The following ALG5 variants were observed in gnomAD, a reference collection of about 807,000 sequenced individuals.
The protein encoded by ALG5 is dolichyl-phosphate beta-glucosyltransferase.
In ALG5, 26 loss-of-function variants were observed where a neutral mutation model predicts 51.8. That is an observed-to-expected ratio of 0.50 (90% confidence interval 0.37 to 0.70). The LOEUF is 0.70. Among genes scored for constraint, ALG5 ranks in the 30% least tolerant of loss-of-function variants. The pLI, the probability that ALG5 is intolerant of heterozygous loss-of-function variation, is 0.00. For missense variants in ALG5, 311 were observed against 399.3 expected, an observed-to-expected ratio of 0.78 and a Z score of 1.88; for synonymous variants, 141 against 136.1, an observed-to-expected ratio of 1.04 and a Z score of -0.25.
intron 5 of ALG5, among the ~76,000 whole-genome samples, 178 bp downstream of exon 5, chr13:36,989,306 A>G (rs1224422356): frequency 2.6e-5 from 4 of 152,222 alleles, no homozygotes; most frequent in African/African-American, 9.6e-5. Context: ...ATCACCCACT[A>G]TATTATAGAT....
At chr13:36,991,636 G>A (rs999202005) in intron 4 of ALG5, among the ~76,000 whole-genome samples, 2 of 128,218 alleles carry the variant, frequency 1.6e-5, no homozygotes, top group Non-Finnish European at 3.7e-5. Flanking sequence ...CCTCCCTGCA[G>A]GCTTTGGTGG....
At position 36,965,743 on chromosome 13, in the gene ALG5, A is replaced by C; in HGVS notation, c.622-17T>G. On this transcript the variant is annotated splice_polypyrimidine_tract_variant and intron_variant, in intron 7 of 9. Transcript: ENST00000239891. ...GTAAGAACGCTGAAAACAAAGACAA[A>C]ATATAAATGACTTTTCCATTCATCT... 2 of 1,603,346 alleles carry C rather than the reference A, an allele frequency of 1.2e-6. No individual in the cohort carries two copies. The highest frequency in any genetic ancestry group is 8.5e-7 in the Non-Finnish European group (1 of 1,175,944).
intron 8 of ALG5, among the ~76,000 whole-genome samples, chr13:36,962,563 T>C (rs1302141469): frequency 1.3e-5 from 2 of 152,072 alleles, no homozygotes; most frequent in East Asian, 3.9e-4. Context: ...ATTCCTGGAC[T>C]CAAGCAATCC....
Position 36,971,981 on chromosome 13 carries a change from G to A in ALG5, c.617C>T (p.Ala206Val), listed in dbSNP as rs1335305528. Residue 206 changes from alanine to valine, a missense_variant, in exon 7 of 10, where the codon GCT becomes GTT. Ala to Val is a moderately conservative substitution (Grantham distance 64, BLOSUM62 0). Coordinates refer to ENST00000239891, the MANE Select transcript of ALG5 (RefSeq NM_013338.5). ...TGCCAATTAATGAAGTCTCACCTGA[G>A]CAATTGATTCTTTTTCTAAATGAGC... ...SRAHLEKESIAQRSYFRTLLM... is the reference protein window; with the variant it reads ...SRAHLEKESIVQRSYFRTLLM... 6.2e-7 allele frequency: 1 copy of A among 1,604,458 alleles called. No individual in the cohort carries two copies. Among genetic ancestry groups the A allele is most frequent in the Admixed American group, 1.7e-5 (1 of 59,788 alleles).
chr13:36,975,016 T>A (rs943966103), intron 6 of ALG5, among the ~76,000 whole-genome samples: 1 of 152,118 alleles, frequency 6.6e-6, no homozygotes, highest in Non-Finnish European at 1.5e-5. Context: ...ATCCAGATCA[T>A]CCTGGCCTAC....
chr13:36,998,068 G>GGTA (rs1312620991), intron 1 of ALG5, among the ~76,000 whole-genome samples: 1 of 152,080 alleles, frequency 6.6e-6, no homozygotes, highest in Admixed American at 6.5e-5. Flanking sequence ...ATCAATAAAT[G>GGTA]GTAGCTCTTA....
Position 36,995,429 on chromosome 13 carries a change from T to C in ALG5, c.234A>G (p.Lys78=). The C allele has an allele frequency of 3.1e-6, 5 of 1,608,276 alleles. No individual in the cohort carries two copies. Among genetic ancestry groups the C allele is most frequent in the Non-Finnish European group, 4.2e-6 (5 of 1,178,586 alleles). Reference sequence around the variant, plus strand: ...AAAAATCAAAACAGGGCTTACACCGTTTTTCTTCATTGTATGAAGGCACAA... The same window carrying C: ...AAAAATCAAAACAGGGCTTACACCGCTTTTCTTCATTGTATGAAGGCACAA... ...SVVVPSYNEE[K]RLPVMMDEAL... The change falls in exon 2 of 10, where the codon AAA becomes AAG. Residue 78 remains lysine, a synonymous_variant. Transcript: ENST00000239891.
intron 6 of ALG5, among the ~76,000 whole-genome samples, chr13:36,974,911 G>C (rs937527882): frequency 2.0e-5 from 3 of 151,954 alleles, no homozygotes; most frequent in Non-Finnish European, 4.4e-5. Context: ...TGAATGAATG[G>C]CCAAATAAAA....
At chr13:36,983,318 T>C (rs2058987774) in intron 6 of ALG5, among the ~76,000 whole-genome samples, 1 of 152,212 alleles carries the variant, frequency 6.6e-6, no homozygotes, top group Non-Finnish European at 1.5e-5. Flanking sequence ...ATGAATGAGA[T>C]TTTCCTTTTA....
At chr13:36,960,222 A>G (rs1359798749) in intron 8 of ALG5, among the ~76,000 whole-genome samples, 6 of 152,220 alleles carry the variant, frequency 3.9e-5, no homozygotes, top group African/African-American at 1.4e-4. Flanking sequence ...GAGGGTATAC[A>G]GAACTTTAAG....
chr13:36,966,677 T>C (rs2058895030), intron 7 of ALG5, among the ~76,000 whole-genome samples: 1 of 152,072 alleles, frequency 6.6e-6, no homozygotes, highest in Non-Finnish European at 1.5e-5. Flanking sequence ...ACCCAGCTTC[T>C]TTAAGACACG....
intron 1 of ALG5, among the ~76,000 whole-genome samples, chr13:36,998,389 G>A (rs1318964252): frequency 2.0e-5 from 3 of 152,160 alleles, no homozygotes; most frequent in Non-Finnish European, 4.4e-5. Flanking sequence ...CCTCTGGAAA[G>A]ATGGCAGAGT....
intron 4 of ALG5, among the ~76,000 whole-genome samples, chr13:36,992,291 G>T (rs1004702107): frequency 7.9e-5 from 12 of 152,164 alleles, no homozygotes; most frequent in African/African-American, 2.9e-4. Context: ...GTGCCAGTCA[G>T]AACTCTCGAC....
At chr13:36,998,350 C>T (rs1368727609) in intron 1 of ALG5, among the ~76,000 whole-genome samples, 1 of 152,190 alleles carries the variant, frequency 6.6e-6, no homozygotes, top group Non-Finnish European at 1.5e-5. Context: ...GGATGCATTA[C>T]ATTTTATCTA....
At chr13:36,954,432 C>G (rs1458326558) in intron 8 of ALG5, among the ~76,000 whole-genome samples, 1 of 152,112 alleles carries the variant, frequency 6.6e-6, no homozygotes, top group Admixed American at 6.6e-5. Context: ...CTTAAATGAT[C>G]CGCCTGGCTT....
intron 6 of ALG5, among the ~76,000 whole-genome samples, chr13:36,975,814 C>A (rs897642997): frequency 3.3e-5 from 5 of 151,578 alleles, no homozygotes; most frequent in African/African-American, 9.7e-5. Context: ...TGAGACCAGG[C>A]GTTTGAGACC....
At chr13:36,977,409 AG>A (rs2058956912) in intron 6 of ALG5, among the ~76,000 whole-genome samples, 1 of 152,106 alleles carries the variant, frequency 6.6e-6, no homozygotes, top group Non-Finnish European at 1.5e-5. Flanking sequence ...CCTAGCCACT[AG>A]GGAGGCTGAG....
chr13:36,985,819 T>A, intron 5 of ALG5, 79 bp from the exon 6 acceptor site: 1 of 895,652 alleles, frequency 1.1e-6, no homozygotes, highest in Non-Finnish European at 1.7e-6. Context: ...CTGTTCTACT[T>A]AAAATACCTA....
rs1004637094 is a variant in ALG5, at chr13:36,999,268, G to C, written c.33C>G (p.Leu11=). Reference sequence around the variant, plus strand: ...GGGCTGCGGCCGCCAGCGCCGCGCCGAGCACCGCCAGCTGCAACAGAAGCG... The same window carrying C: ...GGGCTGCGGCCGCCAGCGCCGCGCCCAGCACCGCCAGCTGCAACAGAAGCG... MAPLLLQLAV[L]GAALAAAALV... Residue 11 remains leucine (L), a synonymous_variant, in exon 1 of 10, where the codon CTC becomes CTG. Transcript: ENST00000239891. 6.3e-7 allele frequency: 1 copy of C among 1,580,784 alleles called. No homozygotes were observed. Among genetic ancestry groups the C allele is most frequent in the Non-Finnish European group, 8.6e-7 (1 of 1,166,420 alleles).
Sources: allele counts gnomAD v4.1 joint callset (sites outside exome capture counted in the v4.1 genomes callset), GRCh38; gene constraint gnomAD v4.1.1; transcripts MANE v1.5; gene names NCBI Gene and HGNC (gene_info 2026-07-23, HGNC 2026-07-21).